SH2B1: variants seen among roughly 807,000 people sequenced by gnomAD.
SH2B1 encodes SH2B adaptor protein 1, also known as SH2B adapter protein 1.
A neutral mutation model predicts 62.6 loss-of-function variants in SH2B1; 15 were observed. That is an observed-to-expected ratio of 0.24 (90% CI 0.16 to 0.37). The LOEUF is 0.37. Among genes scored for constraint, SH2B1 ranks in the 10% least tolerant of loss-of-function variants. SH2B1 has a pLI of 1.00. For missense variants in SH2B1, 925 were observed against 1,015.6 expected (o/e 0.91, Z 1.21); for synonymous variants, 443 against 438.0 (o/e 1.01, Z -0.14).
Position 28,864,591 on chromosome 16 carries a change from G to T in SH2B1, c.-1504G>T. 1.0e-6 allele frequency: 1 copy of T among 985,628 alleles called. No homozygotes were observed. The highest frequency in any genetic ancestry group is 1.2e-6 in the Non-Finnish European group (1 of 830,058). The allele number at this position is 985,628 out of a possible 1,614,324, so 61.1% of individuals were successfully genotyped here. On this transcript the variant is annotated 5_prime_UTR_variant, in exon 1 of 8. Coordinates refer to ENST00000684370, the MANE Select transcript of SH2B1 (RefSeq NM_001387430.1). ...TCACCGACTTACAGCCTGGCTGTAG[G>T]TTTGAACAGGAGTCTGAGGTCGCTG...
chr16:28,859,178 G>C (rs1022603639), upstream of SH2B1, among the ~76,000 whole-genome samples: 1 of 151,936 alleles, frequency 6.6e-6, no homozygotes, highest in Non-Finnish European at 1.5e-5. Flanking sequence ...TCCCAGCCTC[G>C]GGTGATTCGC....
At chr16:28,848,363 G>A (rs915192209) in intron 1 of SH2B1, among the ~76,000 whole-genome samples, 11 of 152,006 alleles carry the variant, frequency 7.2e-5, no homozygotes, top group African/African-American at 2.4e-4. Flanking sequence ...GTTTGCACCC[G>A]GGAGGCGGAG....
intron 4 of SH2B1, 34 bp from the exon 5 acceptor site, chr16:28,871,746 C>A (rs1424174077): frequency 1.3e-6 from 2 of 1,560,698 alleles, no homozygotes; most frequent in African/African-American, 2.7e-5. Flanking sequence ...AGAGGAATTT[C>A]TTGGGTTCTC....
intron 2 of SH2B1, among the ~76,000 whole-genome samples, chr16:28,867,863 C>T (rs1458640699): frequency 6.6e-6 from 1 of 152,222 alleles, no homozygotes; most frequent in African/African-American, 2.4e-5. Flanking sequence ...GAGCCTTGCT[C>T]TGCCGCACAG....
chr16:28,864,253 G>C lies in SH2B1; in HGVS notation c.-1842G>C. 1 of 1,008,664 alleles carries C rather than the reference G, an allele frequency of 9.9e-7. No individual in the cohort carries two copies. The highest frequency in any genetic ancestry group is 1.2e-6 in the Non-Finnish European group (1 of 844,082). The allele number at this position is 1,008,664 out of a possible 1,614,324, so 62.5% of individuals were successfully genotyped here. ...CCGCCCTTCGGGAAATATCAGAACT[G>C]AGCCAGGAGGCAGGTGCACCGGGAA... On this transcript the variant is annotated 5_prime_UTR_variant, in exon 1 of 8. An upstream open reading frame in the 5' UTR loses its in-frame stop. Transcript: ENST00000684370.
chr16:28,860,484 C>A (rs1260858526), upstream of SH2B1, among the ~76,000 whole-genome samples: 1 of 152,066 alleles, frequency 6.6e-6, no homozygotes, highest in East Asian at 1.9e-4. Flanking sequence ...CTCAGGTGAT[C>A]CGCCTGCCTT....
intron 2 of SH2B1, among the ~76,000 whole-genome samples, chr16:28,868,801 A>T (rs1962873707): frequency 6.6e-6 from 1 of 150,954 alleles, no homozygotes; most frequent in African/African-American, 2.4e-5. Flanking sequence ...GGTTCTCACT[A>T]TGTTGCCCAG....
chr16:28,866,101 G>A lies in SH2B1; in HGVS notation c.7G>A (p.Gly3Ser). 1 of 1,565,532 alleles carries A rather than the reference G, an allele frequency of 6.4e-7. No homozygotes were observed. Among genetic ancestry groups the A allele is most frequent in the Non-Finnish European group, 8.6e-7 (1 of 1,158,714 alleles). ...CCACCTCCTGGGGCCCATCATGAAT[G>A]GTGCCCCTTCCCCAGAGGACGGGGC... MN[G>S]APSPEDGASP... The change falls in exon 1 of 8, where the codon GGT (glycine) becomes AGT (serine). Residue 3 changes from glycine (G) to serine (S), a missense_variant. This residue lies in a region of SH2B1 where 683 missense variants were observed against 704.0 expected (regional missense o/e 0.97). Coordinates refer to ENST00000684370, the MANE Select transcript of SH2B1 (RefSeq NM_001387430.1). This position sits in a 1 kb window ranked among gnomAD's most constrained non-coding sequence, Gnocchi z 6.3.
At chr16:28,847,008 G>A (rs1301417271) in intron 1 of SH2B1, among the ~76,000 whole-genome samples, 1 of 152,158 alleles carries the variant, frequency 6.6e-6, no homozygotes, top group African/African-American at 2.4e-5. Flanking sequence ...GCCCTGTGAG[G>A]TCAGGCAGCT....
chr16:28,867,010 C>T lies in SH2B1; in HGVS notation c.916C>T (p.Leu306=). The T allele has an allele frequency of 6.2e-7, 1 of 1,600,544 alleles. No homozygotes were observed. ...AGGAGAAGGAGGAGGAGGAAGTCGCCTGGAGTTCTTTGTACCACCCAAGGT... is the reference window on the plus strand; with the variant it reads ...AGGAGAAGGAGGAGGAGGAAGTCGCTTGGAGTTCTTTGTACCACCCAAGGT... ...SEGEGGGGSR[L]EFFVPPKASR... Residue 306 remains leucine (L), a synonymous_variant, in exon 1 of 8, where the codon CTG becomes TTG. Transcript: ENST00000684370.
Position 28,869,272 on chromosome 16 carries a change from A to G in SH2B1, c.1198A>G (p.Thr400Ala), listed in dbSNP as rs375155971. The change falls in exon 4 of 8, where the codon ACA (threonine) becomes GCA (alanine). Residue 400 changes from threonine to alanine, a missense_variant. Thr to Ala is a moderately conservative substitution (Grantham distance 58). Coordinates refer to ENST00000684370, the MANE Select transcript of SH2B1 (RefSeq NM_001387430.1). ...LPLAPGTSFL[T>A]RENTDSLELS... is the part of the protein sequence containing the mutation. ...TCTGGCCCCTGGGACCTCATTCCTTACAAGGGAGAACACAGACAGCCTGGA... is the reference window on the plus strand; with the variant it reads ...TCTGGCCCCTGGGACCTCATTCCTTGCAAGGGAGAACACAGACAGCCTGGA... 3.1e-6 allele frequency: 5 copies of G among 1,613,890 alleles called. No individual in the cohort carries two copies. The highest frequency in any genetic ancestry group is 2.7e-5 in the African/African-American group (2 of 74,876).
intron 2 of SH2B1, among the ~76,000 whole-genome samples, chr16:28,868,277 C>G (rs532929024): frequency 2.6e-4 from 40 of 151,924 alleles, no homozygotes; most frequent in Admixed American, 6.6e-4. Context: ...GTAGCTGGGA[C>G]TACTGGCGTC....
Position 28,871,969 on chromosome 16 carries a change from C to T in SH2B1, c.1499C>T (p.Pro500Leu), listed in dbSNP as rs1322350878. 19 of 1,603,108 alleles carry T rather than the reference C, an allele frequency of 1.2e-5. No homozygotes were observed. The highest frequency in any genetic ancestry group is 1.7e-4 in the Middle Eastern group (1 of 5,886). ...LSAPYPPLDT[P>L]ETATGSFLFQ... ...GCCCCCTACCCTCCCTTGGACACTC[C>T]GGAAACAGCCACAGGTACCGGAGGT... is the stretch of plus-strand genomic sequence containing the variant. The change falls in exon 5 of 8, where the codon CCG (proline) becomes CTG (leucine). Residue 500 changes from proline (P) to leucine (L), a missense_variant. Pro to Leu is a moderately conservative substitution (Grantham distance 98). Coordinates refer to ENST00000684370, the MANE Select transcript of SH2B1 (RefSeq NM_001387430.1).
intron 4 of SH2B1, among the ~76,000 whole-genome samples, chr16:28,870,078 CCT>C (rs1962947540): frequency 6.6e-6 from 1 of 152,214 alleles, no homozygotes; most frequent in South Asian, 2.1e-4. Flanking sequence ...GCTGCGCCAC[CCT>C]GTTTCCCAAG....
rs540754258 is a variant in SH2B1 at position 28,848,069 on chromosome 16, G to A, written c.-301+1242G>A. Among the ~76,000 whole-genome samples, 86 of 151,704 alleles carry A rather than the reference G, an allele frequency of 5.7e-4. 1 individual carries two copies. Among genetic ancestry groups the A allele is most frequent in the Admixed American group, 1.5e-3 (23 of 15,260 alleles). ...TCGAACTCCAGACCTCAAGTGATCC[G>A]CCCATTGTGGCCTCCCAAAGTGCTG... is the stretch of plus-strand genomic sequence containing the variant. On this transcript the variant is annotated intron_variant, in intron 1 of 10. Transcript: ENST00000322610.
In SH2B1 at chr16:28,866,133, C is replaced by G; in HGVS notation, c.39C>G (p.Pro13=). 7.6e-6 allele frequency: 12 copies of G among 1,572,848 alleles called. No homozygotes were observed. Among genetic ancestry groups the G allele is most frequent in the Non-Finnish European group, 1.0e-5 (12 of 1,161,802 alleles). Residue 13 remains proline, a synonymous_variant, in exon 1 of 8, where the codon CCC becomes CCG. Coordinates refer to ENST00000684370, the MANE Select transcript of SH2B1 (RefSeq NM_001387430.1). The surrounding 1 kb of genome is among the most constrained non-coding windows in gnomAD (Gnocchi z 6.3). The stretch of plus-strand genomic sequence containing the variant: ...CTTCCCCAGAGGACGGGGCCTCCCC[C>G]TCGTCTCCCCCGCTGCCCCCACCCC... The part of the protein sequence containing the change: ...GAPSPEDGAS[P]SSPPLPPPPP...
At chr16:28,869,838 A>T (rs1348037557) in intron 4 of SH2B1, among the ~76,000 whole-genome samples, 1 of 152,186 alleles carries the variant, frequency 6.6e-6, no homozygotes, top group Non-Finnish European at 1.5e-5. Flanking sequence ...ACACACAAAG[A>T]TGTGTCACCC....
In SH2B1 at chr16:28,864,659, T is replaced by C. The variant is rs960741644; in HGVS notation, c.-1436T>C. 47 of 985,204 alleles carry C rather than the reference T, an allele frequency of 4.8e-5. No individual in the cohort carries two copies. The highest frequency in any genetic ancestry group is 5.5e-5 in the Non-Finnish European group (46 of 829,874). 61.0% of individuals were successfully genotyped at this position (985,204 alleles called of 1,614,324 possible). A position where few individuals can be genotyped will look rare whatever the true frequency, so the allele number is the denominator to read the frequency against. ...TCCTGAGCTGCTCTGGCCCCAGTCC[T>C]GGGGCTGTCACCTTCCAGTATTGCG... On this transcript the variant is annotated 5_prime_UTR_variant, in exon 1 of 8. Transcript: ENST00000684370.
chr16:28,857,889 A>G lies in SH2B1; in HGVS notation c.-300-3729A>G, dbSNP rs529859259. On this transcript the variant is annotated intron_variant, in intron 1 of 10. Transcript: ENST00000322610. ...CGAGTAGCTGGGACTACAGGCGCCCACCACCACACCTGGCGAATTTTTGGT... is the reference window on the plus strand; with the variant it reads ...CGAGTAGCTGGGACTACAGGCGCCCGCCACCACACCTGGCGAATTTTTGGT... Among the ~76,000 whole-genome samples, 1,312 of 150,744 alleles carry G rather than the reference A, an allele frequency of 8.7e-3. 19 individuals are homozygous for G. Among genetic ancestry groups the G allele is most frequent in the African/African-American group, 0.03 (1,221 of 40,378 alleles).
Sources: gnomAD v4.1 joint callset for allele counts (sites outside exome capture counted in the v4.1 genomes callset) on GRCh38, gnomAD v4.1.1 for gene constraint, gnomAD v4.1.1 regional missense constraint, Gnocchi (gnomAD v3.1) non-coding constraint, MANE v1.5 for transcripts, NCBI Gene and HGNC (gene_info 2026-07-23, HGNC 2026-07-21) for gene names.